The following LPP variants were observed in gnomAD, a reference collection of about 807,000 sequenced individuals.
The protein encoded by LPP is lipoma-preferred partner.
LPP carries 38 observed loss-of-function variants against 60.4 expected under a neutral mutation model. The ratio of observed to expected loss-of-function variants is 0.63; its 90% CI spans 0.49 to 0.83. The LOEUF (loss-of-function observed/expected upper bound fraction) is 0.83, where lower values mean the gene tolerates loss of function less well. LPP is among the 40% of genes least tolerant of loss of function. LPP has a pLI of 0.00. For synonymous variants in LPP, 328 were observed against 290.8 expected (o/e 1.13, Z -1.30); for missense variants, 902 against 783.6 (o/e 1.15, Z -1.80).
chr3:188,443,271 A>T (rs1794474452), intron 4 of LPP, among the ~76,000 whole-genome samples: 1 of 152,202 alleles, frequency 6.6e-6, no homozygotes, highest in African/African-American at 2.4e-5. Context: ...CTTGCCATTG[A>T]AAATAATGCA....
chr3:188,625,098 A>G (rs1164297750), intron 7 of LPP, among the ~76,000 whole-genome samples: 1 of 152,156 alleles, frequency 6.6e-6, no homozygotes, highest in African/African-American at 2.4e-5. Context: ...ATCTAATTTC[A>G]GTCATAAAAA....
intron 4 of LPP, among the ~76,000 whole-genome samples, chr3:188,452,946 C>T (rs755378428): frequency 3.3e-5 from 5 of 152,106 alleles, no homozygotes; most frequent in African/African-American, 4.8e-5. Flanking sequence ...TTAGATTCAC[C>T]TCTTAAGTTG....
intron 5 of LPP, among the ~76,000 whole-genome samples, chr3:188,515,935 A>G (rs944071141): frequency 8.1e-5 from 3 of 36,980 alleles, no homozygotes; most frequent in African/African-American, 1.2e-4. Flanking sequence ...AGTAGAATAC[A>G]TATATATAAA....
At chr3:188,473,430 C>G (rs1454291189) in intron 4 of LPP, among the ~76,000 whole-genome samples, 1 of 152,142 alleles carries the variant, frequency 6.6e-6, no homozygotes, top group Non-Finnish European at 1.5e-5. Flanking sequence ...GAGAGTTGTT[C>G]AATCTTTGTT....
rs1347488083 is a variant in LPP, at chr3:188,182,403, T to A, written c.-190+28151T>A. ...TTATTTATAGTCATCCCTACCTCGT[T>A]CTTTTCATTGGTCGGAACTTCCTGT... On this transcript the variant is annotated intron_variant, in intron 1 of 11. Transcript: ENST00000617246. This position sits in a 1 kb window ranked among gnomAD's most constrained non-coding sequence, Gnocchi z 4.4. 6.6e-6 allele frequency among the ~76,000 whole-genome samples: 1 copy of A among 152,232 alleles called. No homozygotes were observed. The highest frequency in any genetic ancestry group is 1.5e-5 in the Non-Finnish European group (1 of 68,034).
At chr3:188,366,257 A>G (rs1395127837) in intron 3 of LPP, among the ~76,000 whole-genome samples, 3 of 152,166 alleles carry the variant, frequency 2.0e-5, no homozygotes, top group Non-Finnish European at 4.4e-5. Context: ...GTGGTAATAC[A>G]CCGCATTTTC....
intron 2 of LPP, among the ~76,000 whole-genome samples, chr3:188,326,076 C>A (rs2150438355): frequency 6.6e-6 from 1 of 152,256 alleles, no homozygotes. Context: ...GCCCTGTGTG[C>A]AGACACAGAT....
At chr3:188,318,418 C>CA (rs397946048) in intron 2 of LPP, among the ~76,000 whole-genome samples, 2,462 of 130,160 alleles carry the variant, frequency 0.019, 24 homozygotes, top group South Asian at 0.043. Flanking sequence ...TCCAAAAAAA[C>CA]AAAAAAAAAA....
intron 9 of LPP, among the ~76,000 whole-genome samples, chr3:188,853,367 A>G (rs564652758): frequency 6.6e-6 from 1 of 152,356 alleles, no homozygotes; most frequent in African/African-American, 2.4e-5. Flanking sequence ...GTTCTCTGCT[A>G]TGGTGCTGTG....
chr3:188,657,757 A>G (rs1335646303), intron 7 of LPP, among the ~76,000 whole-genome samples: 1 of 152,140 alleles, frequency 6.6e-6, no homozygotes, highest in Non-Finnish European at 1.5e-5. Context: ...TTGTTTCTCT[A>G]TAGAGAATAC....
Position 188,382,718 on chromosome 3 carries a change from G to A in LPP, c.-9-23394G>A, listed in dbSNP as rs112931391. On this transcript the variant is annotated intron_variant, in intron 3 of 11. Coordinates refer to ENST00000617246, the MANE Select transcript of LPP (RefSeq NM_001375462.1). ...AATGTACAGGGCTAATTATGGTTTCGTTTCTTCACTTTTTTGTTGTTGTTG... is the reference window on the plus strand; with the variant it reads ...AATGTACAGGGCTAATTATGGTTTCATTTCTTCACTTTTTTGTTGTTGTTG... 1.5e-3 allele frequency among the ~76,000 whole-genome samples: 225 copies of A among 152,180 alleles called. 1 individual carries two copies. The highest frequency in any genetic ancestry group is 4.7e-3 in the African/African-American group (195 of 41,532).
chr3:188,835,432 G>A (rs1440695234), intron 9 of LPP, among the ~76,000 whole-genome samples: 1 of 149,154 alleles, frequency 6.7e-6, no homozygotes, highest in African/African-American at 2.5e-5. Flanking sequence ...CCAACATGGT[G>A]AAACCTCATC....
intron 2 of LPP, among the ~76,000 whole-genome samples, chr3:188,275,863 ATGGGGTTTC>A (rs1739475295): frequency 3.3e-5 from 5 of 152,032 alleles, no homozygotes; most frequent in African/African-American, 4.8e-5. Context: ...TTTAGTAGAC[ATGGGGTTTC>A]ACCATATTGT....
chr3:188,291,504 G>A (rs1745928898), intron 2 of LPP, among the ~76,000 whole-genome samples: 1 of 151,970 alleles, frequency 6.6e-6, no homozygotes, highest in East Asian at 1.9e-4. Context: ...AAATTAGCCG[G>A]GCATGGTGGT....
At chr3:188,811,944 G>T (rs562066330) in intron 9 of LPP, among the ~76,000 whole-genome samples, 6 of 152,122 alleles carry the variant, frequency 3.9e-5, no homozygotes, top group Admixed American at 2.0e-4. Flanking sequence ...GGAGAATGGG[G>T]TATCCATCTC....
rs1157318678 is a variant in LPP at position 188,673,275 on chromosome 3, G to A, written c.1114-34992G>A. ...TTAACTCTGAGGGCCCTGTGAGCTT[G>A]GTCAATTTACATCATCTCATGAATG... On this transcript the variant is annotated intron_variant, in intron 7 of 11. Coordinates refer to ENST00000617246, the MANE Select transcript of LPP (RefSeq NM_001375462.1). Among the ~76,000 whole-genome samples the A allele has an allele frequency of 3.3e-5, 5 of 151,714 alleles. No homozygotes were observed. The South Asian group carries it at 1.0e-3, about 32-fold the overall frequency.
At chr3:188,248,705 G>A (rs1456196492) in intron 2 of LPP, among the ~76,000 whole-genome samples, 1 of 151,510 alleles carries the variant, frequency 6.6e-6, no homozygotes, top group Non-Finnish European at 1.5e-5. Flanking sequence ...TTTTCCTTCT[G>A]CTGGGAACTC....
At chr3:188,706,147 G>A (rs1480832075) in intron 7 of LPP, among the ~76,000 whole-genome samples, 1 of 152,194 alleles carries the variant, frequency 6.6e-6, no homozygotes, top group Non-Finnish European at 1.5e-5. Context: ...TTACAGTTCA[G>A]AGGAGGTCCT....
rs543722886 is a variant in LPP at position 188,384,856 on chromosome 3, G to A, written c.-9-21256G>A. Among the ~76,000 whole-genome samples the A allele has an allele frequency of 4.0e-5, 6 of 149,212 alleles. No individual in the cohort carries two copies. The South Asian group carries it at 6.4e-4, about 16-fold the overall frequency. ...GAAGTCCCGGAGTCCTTTCCATGAT[G>A]CATTTGAAGGGCCAGAGAGATAGAG... On this transcript the variant is annotated intron_variant, in intron 3 of 11. Coordinates refer to ENST00000617246, the MANE Select transcript of LPP (RefSeq NM_001375462.1).
Sources: allele counts gnomAD v4.1 joint callset (sites outside exome capture counted in the v4.1 genomes callset), GRCh38; gene constraint gnomAD v4.1.1; non-coding constraint Gnocchi (gnomAD v3.1); transcripts MANE v1.5; gene names NCBI Gene and HGNC (gene_info 2026-07-23, HGNC 2026-07-21).